PTK2: variants seen among roughly 807,000 people sequenced by gnomAD.
The protein encoded by PTK2 is protein tyrosine kinase 2.
Under a neutral mutation model 150.1 loss-of-function variants are expected in PTK2, and 45 were observed. The ratio of observed to expected loss-of-function variants is 0.30; its 90% CI spans 0.24 to 0.38. The LOEUF is 0.38. Among genes scored for constraint, PTK2 ranks in the 10% least tolerant of loss-of-function variants. The pLI, the probability that PTK2 is intolerant of heterozygous loss-of-function variation, is 1.00. For synonymous variants in PTK2, 432 were observed against 449.2 expected (o/e 0.96, Z 0.48); for missense variants, 919 against 1,307.3 (o/e 0.70, Z 4.58).
chr8:140,820,021 G>A (rs1351545329), intron 8 of PTK2, among the ~76,000 whole-genome samples: 2 of 138,302 alleles, frequency 1.4e-5, no homozygotes, highest in South Asian at 2.5e-4. Flanking sequence ...TGACTCTGAT[G>A]AGATGCCAAG....
intron 1 of PTK2, among the ~76,000 whole-genome samples, chr8:140,965,475 C>T (rs761009931): frequency 3.3e-5 from 5 of 152,156 alleles, no homozygotes; most frequent in Non-Finnish European, 7.4e-5. Flanking sequence ...TGGACATGCA[C>T]GGTACCAGAG....
intron 1 of PTK2, among the ~76,000 whole-genome samples, chr8:140,974,699 T>C (rs1221733152): frequency 6.6e-6 from 1 of 152,198 alleles, no homozygotes; most frequent in Non-Finnish European, 1.5e-5. Context: ...CAAAAAGTGA[T>C]TCCTCCTTTT....
chr8:140,959,356 C>T (rs1394927818), intron 1 of PTK2, among the ~76,000 whole-genome samples: 1 of 151,004 alleles, frequency 6.6e-6, no homozygotes, highest in African/African-American at 2.4e-5. Flanking sequence ...CAGTGAAACC[C>T]CGTCTCTACT....
intron 16 of PTK2, among the ~76,000 whole-genome samples, chr8:140,755,424 C>G (rs1420427490): frequency 6.6e-6 from 1 of 152,186 alleles, no homozygotes; most frequent in Non-Finnish European, 1.5e-5. Context: ...TATCCCTCTA[C>G]TCCGCGGCCA....
chr8:140,811,626 T>C lies in PTK2; in HGVS notation c.867+6651A>G, dbSNP rs200918893. Reference sequence around the variant, plus strand: ...GATAGGAATGAAGATCATTGAGATGTAGGAGTACACTGAAACCCAATCCAA... The same window carrying C: ...GATAGGAATGAAGATCATTGAGATGCAGGAGTACACTGAAACCCAATCCAA... On this transcript the variant is annotated intron_variant, in intron 10 of 31. Transcript: ENST00000522684. Among the ~76,000 whole-genome samples, 30 of 152,266 alleles carry C rather than the reference T, an allele frequency of 2.0e-4. No homozygotes were observed. In the East Asian group the frequency reaches 5.6e-3, roughly 28 times the overall value.
chr8:140,732,172 A>G (rs2100049823), intron 22 of PTK2, among the ~76,000 whole-genome samples: 1 of 152,242 alleles, frequency 6.6e-6, no homozygotes, highest in Non-Finnish European at 1.5e-5. Flanking sequence ...ATACACTGTT[A>G]TATGCAAATG....
intron 1 of PTK2, among the ~76,000 whole-genome samples, chr8:140,956,733 T>C (rs1448124329): frequency 6.6e-6 from 1 of 152,144 alleles, no homozygotes; most frequent in Admixed American, 6.5e-5. Flanking sequence ...TACCCTAATG[T>C]GTGTATTTGT....
At chr8:140,973,913 C>G (rs2100188330) in intron 1 of PTK2, among the ~76,000 whole-genome samples, 1 of 152,070 alleles carries the variant, frequency 6.6e-6, no homozygotes, top group Non-Finnish European at 1.5e-5. Flanking sequence ...ATATCTTTGC[C>G]CCATCACACT....
chr8:140,678,954 G>A (rs2100015420), intron 27 of PTK2, among the ~76,000 whole-genome samples: 1 of 143,574 alleles, frequency 7.0e-6, no homozygotes, highest in Non-Finnish European at 1.5e-5. Context: ...AAATTTATGT[G>A]GTGCCTGTTT....
At chr8:140,827,598 T>A (rs1468896694) in intron 8 of PTK2, among the ~76,000 whole-genome samples, 1 of 152,186 alleles carries the variant, frequency 6.6e-6, no homozygotes, top group Non-Finnish European at 1.5e-5. Context: ...AGAAACTTTC[T>A]AGCTTTTCAA....
intron 14 of PTK2, among the ~76,000 whole-genome samples, chr8:140,776,546 T>G (rs1657441436): frequency 1.3e-5 from 2 of 152,108 alleles, no homozygotes; most frequent in South Asian, 4.1e-4. Flanking sequence ...ATAGATTGGA[T>G]ATGGGAGAAG....
At chr8:140,912,462 T>C (rs1160803296) in intron 2 of PTK2, among the ~76,000 whole-genome samples, 1 of 151,992 alleles carries the variant, frequency 6.6e-6, no homozygotes, top group African/African-American at 2.4e-5. Context: ...CAGCAAGACC[T>C]CATTTCTCAA....
chr8:140,731,448 T>C (rs2100049300), intron 22 of PTK2, among the ~76,000 whole-genome samples: 2 of 152,200 alleles, frequency 1.3e-5, no homozygotes, highest in South Asian at 4.1e-4. Flanking sequence ...TCTCAATGAA[T>C]TCATACCTAT....
chr8:140,972,410 G>A (rs1020139763), intron 1 of PTK2, among the ~76,000 whole-genome samples: 3 of 151,994 alleles, frequency 2.0e-5, no homozygotes, highest in East Asian at 1.9e-4. Flanking sequence ...AACTACAGGC[G>A]CACGCCACCA....
chr8:140,943,728 C>T (rs954271173), intron 1 of PTK2, among the ~76,000 whole-genome samples: 15 of 152,148 alleles, frequency 9.9e-5, no homozygotes, highest in African/African-American at 2.7e-4. Context: ...ACATTCTTGT[C>T]ATGTGGCACT....
chr8:140,666,768 A>G (rs2092209247), intron 30 of PTK2, among the ~76,000 whole-genome samples: 1 of 152,238 alleles, frequency 6.6e-6, no homozygotes, highest in South Asian at 2.1e-4. Context: ...AATTCTGAGT[A>G]TACACTCAAA....
At chr8:140,933,190 G>GA (rs57085667) in intron 1 of PTK2, among the ~76,000 whole-genome samples, 4 of 140,912 alleles carry the variant, frequency 2.8e-5, no homozygotes, top group African/African-American at 5.2e-5. Context: ...CAACAGTAAT[G>GA]AAAAAAAAAA....
chr8:140,913,960 T>C (rs2100164198), intron 2 of PTK2, among the ~76,000 whole-genome samples: 2 of 152,168 alleles, frequency 1.3e-5, no homozygotes, highest in African/African-American at 2.4e-5. Flanking sequence ...TATCACCAAA[T>C]GAACCAAAGA....
At chr8:140,971,367 T>G (rs897273188) in intron 1 of PTK2, among the ~76,000 whole-genome samples, 2 of 152,266 alleles carry the variant, frequency 1.3e-5, no homozygotes, top group African/African-American at 4.8e-5. Flanking sequence ...CTTCATTAGC[T>G]CTTGTAGACT....
Sources: gnomAD v4.1 joint callset for allele counts (sites outside exome capture counted in the v4.1 genomes callset) on GRCh38, gnomAD v4.1.1 for gene constraint, MANE v1.5 for transcripts, NCBI Gene and HGNC (gene_info 2026-07-23, HGNC 2026-07-21) for gene names.